GRAMD1C: variants seen among roughly 807,000 people sequenced by gnomAD.
The protein encoded by GRAMD1C is protein Aster-C.
In GRAMD1C, 89 loss-of-function variants were observed where a neutral mutation model predicts 97.8. That is an observed-to-expected ratio of 0.91 (90% CI 0.77 to 1.09). GRAMD1C has a LOEUF of 1.09. Among genes scored for constraint, GRAMD1C ranks in the 50% least tolerant of loss-of-function variants. The probability of loss-of-function intolerance (pLI) is 0.00; values close to 1 mark genes in which losing one functional copy is unlikely to be tolerated. For missense variants in GRAMD1C, 740 were observed against 766.4 expected, an observed-to-expected ratio of 0.97 and a Z score of 0.41; for synonymous variants, 256 against 267.0, an observed-to-expected ratio of 0.96 and a Z score of 0.40.
chr3:113,926,964 G>T (rs1372768491), intron 10 of GRAMD1C, among the ~76,000 whole-genome samples: 1 of 152,142 alleles, frequency 6.6e-6, no homozygotes, highest in Non-Finnish European at 1.5e-5. Context: ...GCAATTCACT[G>T]GGGTGGTGGC....
At chr3:113,919,355 G>T (rs1265088958) in intron 10 of GRAMD1C, 1 of 496,730 alleles carries the variant, frequency 2.0e-6, no homozygotes, top group South Asian at 1.5e-5. Flanking sequence ...TTATAATGGA[G>T]AATCTGTTTC....
chr3:113,920,613 C>T (rs868590708), intron 10 of GRAMD1C, among the ~76,000 whole-genome samples: 1 of 152,096 alleles, frequency 6.6e-6, no homozygotes, highest in Non-Finnish European at 1.5e-5. Flanking sequence ...GCGATCTCGG[C>T]TCACTGCAAC....
chr3:113,876,745 T>C (rs990299347), intron 5 of GRAMD1C, among the ~76,000 whole-genome samples: 3 of 151,444 alleles, frequency 2.0e-5, no homozygotes, highest in Non-Finnish European at 2.9e-5. Flanking sequence ...ATATCAAGAA[T>C]ATTTCTTAAC....
chr3:113,887,527 C>T (rs1337724843), intron 6 of GRAMD1C, among the ~76,000 whole-genome samples: 2 of 151,526 alleles, frequency 1.3e-5, no homozygotes, highest in African/African-American at 4.8e-5. Flanking sequence ...GGTGAAACCC[C>T]GTCTCTACTA....
In GRAMD1C at chr3:113,876,204, G is replaced by GA; in HGVS notation, c.409dup (p.Thr137AsnfsTer16). On this transcript the variant is annotated frameshift_variant, in exon 5 of 18. Coordinates refer to ENST00000358160, the MANE Select transcript of GRAMD1C (RefSeq NM_017577.5). LOFTEE classifies it high-confidence loss of function. ...AAAGAATATAACCTTCATGACCAAGGAAAAAACTGCTCGACTCATCCCAAA... is the reference window on the plus strand; with the variant it reads ...AAAGAATATAACCTTCATGACCAAGGAAAAAAACTGCTCGACTCATCCCAAA... 1.2e-6 allele frequency: 2 copies of GA among 1,601,620 alleles called. No homozygotes were observed.
At chr3:113,841,594 A>C (rs1577113579) in intron 1 of GRAMD1C, among the ~76,000 whole-genome samples, 1 of 152,230 alleles carries the variant, frequency 6.6e-6, no homozygotes, top group East Asian at 1.9e-4. Context: ...GCCTGGCTGA[A>C]GTAGGTCTTA....
chr3:113,923,366 C>T (rs569921419), intron 10 of GRAMD1C, among the ~76,000 whole-genome samples: 1 of 152,232 alleles, frequency 6.6e-6, no homozygotes, highest in Admixed American at 6.5e-5. Flanking sequence ...GGAATTGTTC[C>T]AGCTTTTGCC....
At chr3:113,941,879 A>G (rs1451883323) in intron 17 of GRAMD1C, among the ~76,000 whole-genome samples, 1 of 151,370 alleles carries the variant, frequency 6.6e-6, no homozygotes. Flanking sequence ...TCGGCCTCCC[A>G]AAGTGTTGGG....
At chr3:113,850,179 C>T in intron 2 of GRAMD1C, 1 of 448,832 alleles carries the variant, frequency 2.2e-6, no homozygotes, top group South Asian at 1.7e-5. Flanking sequence ...ATTGTATATA[C>T]TTACTTTTTT....
At chr3:113,850,181 T>TA in intron 2 of GRAMD1C, 1 of 451,954 alleles carries the variant, frequency 2.2e-6, no homozygotes, top group Non-Finnish European at 4.3e-6. Context: ...TGTATATACT[T>TA]ACTTTTTTTT....
At chr3:113,871,744 C>CAA (rs1179822586) in intron 3 of GRAMD1C, among the ~76,000 whole-genome samples, 22,382 of 62,152 alleles carry the variant, frequency 0.36, 3,682 homozygotes, top group East Asian at 0.45. Context: ...GACTCTGTCT[C>CAA]AAAAAAAAAA....
intron 6 of GRAMD1C, 63 bp from the exon 7 acceptor site, chr3:113,900,968 G>C (rs1238708997): frequency 1.2e-6 from 1 of 853,718 alleles, no homozygotes; most frequent in Non-Finnish European, 2.0e-6. Flanking sequence ...CTCATGTTTT[G>C]AATCACTGTG....
chr3:113,876,131 A>G (rs756881110), intron 4 of GRAMD1C, 34 bp from the exon 5 acceptor site: 1 of 986,654 alleles, frequency 1.0e-6, no homozygotes, highest in African/African-American at 1.6e-5. Context: ...TATGTTTCTG[A>G]AAAATACATT....
At chr3:113,900,956 A>G (rs1443792853) in intron 6 of GRAMD1C, 75 bp from the exon 7 acceptor site, 3 of 806,178 alleles carry the variant, frequency 3.7e-6, no homozygotes, top group Non-Finnish European at 6.4e-6. Flanking sequence ...TTGACTTCAA[A>G]ACTCATGTTT....
intron 5 of GRAMD1C, among the ~76,000 whole-genome samples, chr3:113,879,168 GCA>G (rs1469939058): frequency 2.0e-5 from 3 of 151,130 alleles, no homozygotes; most frequent in Non-Finnish European, 4.4e-5. Flanking sequence ...CCGCGCCACT[GCA>G]CTCCAGCCTG....
chr3:113,872,946 G>A (rs754343162), intron 3 of GRAMD1C, among the ~76,000 whole-genome samples: 9 of 150,478 alleles, frequency 6.0e-5, no homozygotes, highest in Non-Finnish European at 8.9e-5. Context: ...TTAGCCAGGC[G>A]TGGTGGCCAG....
intron 10 of GRAMD1C, among the ~76,000 whole-genome samples, chr3:113,921,750 T>C (rs1242176910): frequency 1.3e-5 from 2 of 152,200 alleles, no homozygotes; most frequent in South Asian, 2.1e-4. Flanking sequence ...TGGCTAGATA[T>C]ATGTCTTCTT....
rs1469559 is a variant in GRAMD1C at position 113,869,598 on chromosome 3, T to C, written c.259+7T>C. On this transcript the variant is annotated splice_region_variant and intron_variant, in intron 3 of 17. Transcript: ENST00000358160. ...ACAGAGAGGCTGATAGCAGGTAAAA[T>C]AGAAATTTTCAAAAAAAAGTTTTAT... 111,704 of 1,357,936 alleles carry C rather than the reference T, an allele frequency of 0.082. 5,813 individuals carry two copies. The highest frequency in any genetic ancestry group is 0.22 in the African/African-American group (14,571 of 67,712). 84.1% of individuals were successfully genotyped at this position (1,357,936 alleles called of 1,614,324 possible). A position where few individuals can be genotyped will look rare whatever the true frequency, so the allele number is the denominator to read the frequency against.
In GRAMD1C at chr3:113,908,980, A is replaced by C. The variant is rs1936466995; in HGVS notation, c.812A>C (p.Gln271Pro). The change falls in exon 9 of 18, where the codon CAA (glutamine) becomes CCA (proline). Residue 271 changes from glutamine (Q) to proline (P), a missense_variant. Transcript: ENST00000358160. ...SKGGLGKEES[Q>P]NEKQTKKSLL... ...TAGGGATTAGGCAAAGAGGAGTCCC[A>C]AAATGAGAAACAGACCAAAAAGAGT... 1.9e-6 allele frequency: 3 copies of C among 1,576,454 alleles called. No individual in the cohort carries two copies. The Admixed American group carries it at 6.0e-5, about 32-fold the overall frequency.
Sources: gnomAD v4.1 joint callset for allele counts (sites outside exome capture counted in the v4.1 genomes callset) on GRCh38, gnomAD v4.1.1 for gene constraint, MANE v1.5 for transcripts, NCBI Gene and HGNC (gene_info 2026-07-23, HGNC 2026-07-21) for gene names.